The following FUT9 variants were observed in gnomAD, a reference collection of about 807,000 sequenced individuals.
FUT9 encodes 4-galactosyl-N-acetylglucosaminide 3-alpha-L-fucosyltransferase 9.
FUT9 carries 15 observed loss-of-function variants against 29.7 expected under a neutral mutation model. The observed-to-expected ratio is 0.51, with a 90% CI of 0.34 to 0.78. The LOEUF (loss-of-function observed/expected upper bound fraction) is 0.78. Among genes scored for constraint, FUT9 ranks in the 30% least tolerant of loss-of-function variants. FUT9 has a pLI of 0.01. For missense variants in FUT9, 319 were observed against 425.4 expected (o/e 0.75, Z 2.20); for synonymous variants, 169 against 153.7 (o/e 1.10, Z -0.74).
At chr6:96,055,400 C>T (rs545368098) in intron 1 of FUT9, among the ~76,000 whole-genome samples, 13 of 135,052 alleles carry the variant, frequency 9.6e-5, no homozygotes, top group East Asian at 8.8e-4. Flanking sequence ...TTTTTCTTTA[C>T]GTTTTTCCTG....
At chr6:96,146,670 A>G (rs1772573261) in intron 2 of FUT9, among the ~76,000 whole-genome samples, 2 of 152,206 alleles carry the variant, frequency 1.3e-5, no homozygotes, top group Admixed American at 1.3e-4. Flanking sequence ...ATATCTCCAA[A>G]TTTCTAGTTT....
intron 2 of FUT9, among the ~76,000 whole-genome samples, chr6:96,132,091 C>T (rs1055512020): frequency 5.3e-5 from 8 of 152,022 alleles, no homozygotes; most frequent in African/African-American, 9.7e-5. Context: ...AAAATGCCCA[C>T]GTTACCCATG....
At chr6:96,122,862 C>T (rs1440622094) in intron 2 of FUT9, among the ~76,000 whole-genome samples, 1 of 151,656 alleles carries the variant, frequency 6.6e-6, no homozygotes, top group East Asian at 1.9e-4. Flanking sequence ...CTGCCTAACA[C>T]GGTGAAACCC....
chr6:96,184,269 G>A (rs1380875604), intron 2 of FUT9, among the ~76,000 whole-genome samples: 4 of 151,940 alleles, frequency 2.6e-5, no homozygotes, highest in Admixed American at 2.6e-4. Flanking sequence ...ATGATCTTTT[G>A]TGTTTCTGTG....
At chr6:96,199,561 G>C (rs545893583) in intron 2 of FUT9, among the ~76,000 whole-genome samples, 2 of 152,218 alleles carry the variant, frequency 1.3e-5, no homozygotes, top group East Asian at 3.9e-4. Context: ...GAGAGAGAGA[G>C]AGAGACTGAG....
At chr6:96,062,391 A>T (rs1044460930) in intron 1 of FUT9, among the ~76,000 whole-genome samples, 3 of 152,176 alleles carry the variant, frequency 2.0e-5, no homozygotes, top group Non-Finnish European at 4.4e-5. Context: ...AGAAAATATC[A>T]GTAAAATCAT....
chr6:96,035,922 T>C (rs1770355245), intron 1 of FUT9, among the ~76,000 whole-genome samples: 1 of 73,510 alleles, frequency 1.4e-5, no homozygotes, highest in African/African-American at 4.9e-5. Flanking sequence ...ATTATGTTTA[T>C]TATATTAATA....
intron 1 of FUT9, among the ~76,000 whole-genome samples, chr6:96,018,597 C>G (rs564867696): frequency 6.6e-6 from 1 of 151,978 alleles, no homozygotes; most frequent in African/African-American, 2.4e-5. Flanking sequence ...TGAACTGTAT[C>G]TTATAATGCT....
rs11393475 is a variant in FUT9, at chr6:96,208,272, A to AT, written c.*4047dup. ...ATGAGTCTTAAGGTAATATCCTAGA[A>AT]TTTTTTTTTTGCGTGAATTAAAGTT... On this transcript the variant is annotated 3_prime_UTR_variant, in exon 3 of 3. Transcript: ENST00000302103. 0.74 allele frequency: 121,228 copies of AT among 163,080 alleles called. 46,347 individuals are homozygous for AT. Among genetic ancestry groups the AT allele is most frequent in the South Asian group, 0.91 (4,375 of 4,784 alleles). The allele number at this position is 163,080 out of a possible 1,614,324, so 10.1% of individuals were successfully genotyped here.
At chr6:96,084,212 C>T (rs1263254441) in intron 1 of FUT9, among the ~76,000 whole-genome samples, 1 of 152,022 alleles carries the variant, frequency 6.6e-6, no homozygotes, top group East Asian at 1.9e-4. Flanking sequence ...AAGATCATAT[C>T]TCTTTATTTC....
intron 1 of FUT9, among the ~76,000 whole-genome samples, chr6:96,043,220 T>G (rs6915529): frequency 6.6e-6 from 1 of 151,862 alleles, no homozygotes; most frequent in Non-Finnish European, 1.5e-5. Context: ...CCCGGCTAAT[T>G]TTTTGTATTT....
intron 2 of FUT9, among the ~76,000 whole-genome samples, chr6:96,148,072 T>C (rs1443048684): frequency 2.0e-5 from 3 of 152,006 alleles, no homozygotes; most frequent in African/African-American, 7.2e-5. Context: ...GGGCAGCCCA[T>C]GTGCAATTAA....
At chr6:96,183,186 AT>A (rs892408164) in intron 2 of FUT9, among the ~76,000 whole-genome samples, 15 of 151,366 alleles carry the variant, frequency 9.9e-5, no homozygotes, top group East Asian at 5.8e-4. Flanking sequence ...TAAGTATTTC[AT>A]TTTTTTTATT....
chr6:96,187,513 T>C (rs1261071137), intron 2 of FUT9, among the ~76,000 whole-genome samples: 1 of 152,124 alleles, frequency 6.6e-6, no homozygotes, highest in Non-Finnish European at 1.5e-5. Flanking sequence ...TAGAAAAGTT[T>C]GGAATCCATA....
At chr6:96,160,988 T>G (rs1427911927) in intron 2 of FUT9, among the ~76,000 whole-genome samples, 1 of 152,170 alleles carries the variant, frequency 6.6e-6, no homozygotes, top group Non-Finnish European at 1.5e-5. Flanking sequence ...CTGGATAACA[T>G]CCATCTACTT....
At chr6:96,150,217 G>T (rs1772650477) in intron 2 of FUT9, among the ~76,000 whole-genome samples, 1 of 152,172 alleles carries the variant, frequency 6.6e-6, no homozygotes, top group South Asian at 2.1e-4. Context: ...CAGGTAAAAT[G>T]ACATTAGAAT....
At chr6:96,102,205 T>C (rs891922245) in intron 1 of FUT9, among the ~76,000 whole-genome samples, 3 of 152,180 alleles carry the variant, frequency 2.0e-5, no homozygotes, top group Non-Finnish European at 2.9e-5. Context: ...TGTGCGCTAA[T>C]GTAAATGTTC....
At chr6:96,149,213 G>T (rs185240310) in intron 2 of FUT9, among the ~76,000 whole-genome samples, 1 of 151,620 alleles carries the variant, frequency 6.6e-6, no homozygotes, top group African/African-American at 2.4e-5. Context: ...CTTTTATTAT[G>T]TACAGAGTCA....
intron 1 of FUT9, among the ~76,000 whole-genome samples, chr6:96,104,250 G>A (rs775609013): frequency 1.7e-4 from 26 of 152,168 alleles, no homozygotes; most frequent in Admixed American, 3.3e-4. Context: ...GATCAGCTAC[G>A]AAATGAAAAG....
Sources: gnomAD v4.1 joint callset for allele counts (sites outside exome capture counted in the v4.1 genomes callset) on GRCh38, gnomAD v4.1.1 for gene constraint, MANE v1.5 for transcripts, NCBI Gene and HGNC (gene_info 2026-07-23, HGNC 2026-07-21) for gene names.